The following TBCK variants were observed in gnomAD, a reference collection of about 807,000 sequenced individuals.
TBCK encodes TBC domain-containing protein kinase-like protein.
A neutral mutation model predicts 113.4 loss-of-function variants in TBCK; 99 were observed. The ratio of observed to expected loss-of-function variants is 0.87; its 90% CI spans 0.74 to 1.03. TBCK has a LOEUF of 1.03. Ranked by LOEUF, TBCK falls within the 50% of genes least tolerant of loss-of-function variation. The pLI, the probability that TBCK is intolerant of heterozygous loss-of-function variation, is 0.00. For synonymous variants in TBCK, 369 were observed against 370.8 expected (o/e 1.00, Z 0.05); for missense variants, 1,045 against 1,061.3 (o/e 0.98, Z 0.21).
rs1185065412 is a variant in TBCK at position 106,308,804 on chromosome 4, G to A, written c.157C>T (p.Leu53Phe). The A allele has an allele frequency of 6.2e-7, 1 of 1,614,136 alleles. No homozygotes were observed. Among genetic ancestry groups the A allele is most frequent in the Admixed American group, 1.7e-5 (1 of 60,016 alleles). The change falls in exon 2 of 26, where the codon CTC (leucine) becomes TTC (phenylalanine). Residue 53 changes from leucine (L) to phenylalanine (F), a missense_variant. Coordinates refer to ENST00000394708, the MANE Select transcript of TBCK (RefSeq NM_001163435.3). ...CTAGAAATATCCACATACTGGCAGA[G>A]TCTGGGATGGGTGATGGTTTTAAGG... ...QILKTITHPR[L>F]CQYVDISRGK...
At chr4:106,178,002 TTC>T (rs1427054780) in intron 22 of TBCK, among the ~76,000 whole-genome samples, 2 of 151,904 alleles carry the variant, frequency 1.3e-5, no homozygotes, top group Non-Finnish European at 2.9e-5. Flanking sequence ...TATAATTTAT[TTC>T]ATTAGTGTTT....
intron 23 of TBCK, among the ~76,000 whole-genome samples, chr4:106,168,821 G>A (rs1205184330): frequency 2.6e-5 from 4 of 151,770 alleles, no homozygotes; most frequent in Non-Finnish European, 5.9e-5. Context: ...AAAATCTGAT[G>A]AAAGAAATCC....
intron 3 of TBCK, among the ~76,000 whole-genome samples, chr4:106,282,894 A>T (rs1024565334): frequency 8.5e-5 from 13 of 152,116 alleles, no homozygotes; most frequent in African/African-American, 2.4e-4. Context: ...TAATCAAGAA[A>T]ACAGATACCT....
chr4:106,096,917 T>C (rs1368939447), intron 24 of TBCK, among the ~76,000 whole-genome samples: 1 of 152,180 alleles, frequency 6.6e-6, no homozygotes, highest in East Asian at 1.9e-4. Context: ...GAAGAACTGT[T>C]TAATAGATAC....
At chr4:106,194,187 T>C (rs1753960250) in intron 21 of TBCK, among the ~76,000 whole-genome samples, 2 of 152,172 alleles carry the variant, frequency 1.3e-5, no homozygotes, top group Non-Finnish European at 2.9e-5. Context: ...ACTTCCTTTT[T>C]CTTATTAACA....
At chr4:106,286,173 C>T in intron 3 of TBCK, among the ~76,000 whole-genome samples, 1 of 152,140 alleles carries the variant, frequency 6.6e-6, no homozygotes, top group East Asian at 1.9e-4. Context: ...TTAAATACAT[C>T]TCAATGGAAA....
At position 106,071,883 on chromosome 4, in the gene TBCK, G is replaced by A. The variant is rs148654234; in HGVS notation, c.2571+23599C>T. ...TAATTGTCTCTTTTGATCTTTGTTGGTTTAAAGTCTGTTTTATCAGAGACT... is the reference window on the plus strand; with the variant it reads ...TAATTGTCTCTTTTGATCTTTGTTGATTTAAAGTCTGTTTTATCAGAGACT... On this transcript the variant is annotated intron_variant, in intron 25 of 25. Transcript: ENST00000394708. Among the ~76,000 whole-genome samples the A allele has an allele frequency of 4.0e-3, 605 of 152,202 alleles. 8 individuals carry two copies. The highest frequency in any genetic ancestry group is 0.029 in the East Asian group (151 of 5,180).
intron 24 of TBCK, among the ~76,000 whole-genome samples, chr4:106,103,366 GA>G (rs1741768339): frequency 6.6e-6 from 1 of 152,160 alleles, no homozygotes; most frequent in Non-Finnish European, 1.5e-5. Context: ...TATAACATCT[GA>G]ATGAATATAT....
At chr4:106,203,792 T>C (rs1194660926) in intron 20 of TBCK, among the ~76,000 whole-genome samples, 2 of 152,120 alleles carry the variant, frequency 1.3e-5, no homozygotes, top group Non-Finnish European at 2.9e-5. Flanking sequence ...CAAACATAAT[T>C]CATTCTAATT....
chr4:106,097,347 T>G (rs140941037), intron 24 of TBCK, among the ~76,000 whole-genome samples: 1 of 152,250 alleles, frequency 6.6e-6, no homozygotes, highest in East Asian at 1.9e-4. Context: ...AACCAAAATG[T>G]CCTGGATAAT....
chr4:106,179,564 C>A (rs1408759385), intron 22 of TBCK, among the ~76,000 whole-genome samples: 1 of 151,980 alleles, frequency 6.6e-6, no homozygotes, highest in Non-Finnish European at 1.5e-5. Context: ...TCTAATGTTC[C>A]TTTTCTTAAT....
intron 25 of TBCK, among the ~76,000 whole-genome samples, chr4:106,064,804 T>C (rs1736439229): frequency 1.3e-5 from 2 of 152,000 alleles, no homozygotes; most frequent in South Asian, 4.1e-4. Context: ...CTATTCTATG[T>C]TGTTGGCCAG....
At chr4:106,184,931 ACT>A in intron 22 of TBCK, among the ~76,000 whole-genome samples, 1 of 152,086 alleles carries the variant, frequency 6.6e-6, no homozygotes, top group East Asian at 1.9e-4. Context: ...GTAGGTAGAT[ACT>A]TTGATGCAAA....
chr4:106,092,044 C>G (rs190316325), intron 25 of TBCK, among the ~76,000 whole-genome samples: 1 of 152,130 alleles, frequency 6.6e-6, no homozygotes, highest in Non-Finnish European at 1.5e-5. Flanking sequence ...CTGAGCTAGA[C>G]ACAGAGTGCT....
chr4:106,145,945 G>A (rs1290288305), intron 23 of TBCK, among the ~76,000 whole-genome samples: 1 of 152,182 alleles, frequency 6.6e-6, no homozygotes, highest in African/African-American at 2.4e-5. Flanking sequence ...CACTGTTTGT[G>A]GGAGTAAAAA....
intron 13 of TBCK, 57 bp downstream of exon 13, chr4:106,236,702 T>C: frequency 9.3e-7 from 1 of 1,078,648 alleles, no homozygotes; most frequent in Non-Finnish European, 1.3e-6. Context: ...AAAATTCTTA[T>C]AAATCTAATA....
chr4:106,173,425 A>G (rs1480487708), intron 22 of TBCK, among the ~76,000 whole-genome samples: 1 of 152,170 alleles, frequency 6.6e-6, no homozygotes, highest in Non-Finnish European at 1.5e-5. Flanking sequence ...TACTTAACAC[A>G]GTTTAGTTTC....
chr4:106,146,195 A>G (rs982739741), intron 23 of TBCK, among the ~76,000 whole-genome samples: 2 of 152,026 alleles, frequency 1.3e-5, no homozygotes, highest in Non-Finnish European at 2.9e-5. Flanking sequence ...ACATATACAT[A>G]TACATGTAAT....
In TBCK at chr4:106,091,688, G is replaced by C. The variant is rs554289529; in HGVS notation, c.2571+3794C>G. Reference sequence around the variant, plus strand: ...GAGTGAAGCTGCAGACCTTCGTGGTGAGTGTTACAGCTCATAAAGGCAGTG... The same window carrying C: ...GAGTGAAGCTGCAGACCTTCGTGGTCAGTGTTACAGCTCATAAAGGCAGTG... On this transcript the variant is annotated intron_variant, in intron 25 of 25. Transcript: ENST00000394708. 1.4e-4 allele frequency among the ~76,000 whole-genome samples: 22 copies of C among 152,252 alleles called. 1 individual carries two copies. Among genetic ancestry groups the C allele is most frequent in the Admixed American group, 2.0e-4 (3 of 15,300 alleles).
Sources: allele counts gnomAD v4.1 joint callset (sites outside exome capture counted in the v4.1 genomes callset), GRCh38; gene constraint gnomAD v4.1.1; transcripts MANE v1.5; gene names NCBI Gene and HGNC (gene_info 2026-07-23, HGNC 2026-07-21).